Variants in ATP8A2 observed in about 807,000 individuals in gnomAD.
The protein encoded by ATP8A2 is phospholipid-transporting ATPase IB.
In ATP8A2, 100 loss-of-function variants were observed where a neutral mutation model predicts 165.6. That is an observed-to-expected ratio of 0.60 (90% CI 0.51 to 0.71). The LOEUF (loss-of-function observed/expected upper bound fraction) is 0.71, where lower values mean the gene tolerates loss of function less well. Ranked by LOEUF, ATP8A2 falls within the 30% of genes least tolerant of loss-of-function variation. ATP8A2 has a pLI of 0.00. For missense variants in ATP8A2, 1,227 were observed against 1,479.5 expected (o/e 0.83, Z 2.80); for synonymous variants, 543 against 548.8 (o/e 0.99, Z 0.15).
chr13:25,494,074 G>A (rs1249853937), intron 2 of ATP8A2, among the ~76,000 whole-genome samples: 3 of 152,044 alleles, frequency 2.0e-5, no homozygotes, highest in African/African-American at 7.3e-5. Flanking sequence ...GGCTGGGGTA[G>A]GGCGGAGAGT....
intron 27 of ATP8A2, among the ~76,000 whole-genome samples, chr13:25,824,491 C>T (rs935491757): frequency 3.9e-5 from 6 of 152,196 alleles, no homozygotes; most frequent in Admixed American, 6.5e-5. Context: ...ATTTCATGTG[C>T]GTTTGTCATA....
intron 1 of ATP8A2, among the ~76,000 whole-genome samples, chr13:25,373,562 T>C (rs913572925): frequency 2.0e-5 from 3 of 152,252 alleles, no homozygotes; most frequent in Non-Finnish European, 4.4e-5. Context: ...ACACCCTCTG[T>C]ACCTTTGCAG....
At chr13:25,768,854 TG>T (rs1365881299) in intron 25 of ATP8A2, among the ~76,000 whole-genome samples, 191 bp from the exon 26 acceptor site, 1 of 152,244 alleles carries the variant, frequency 6.6e-6, no homozygotes, top group Non-Finnish European at 1.5e-5. Context: ...ATATTTCATC[TG>T]AGAAGTTGGC....
intron 1 of ATP8A2, among the ~76,000 whole-genome samples, chr13:25,401,390 T>C (rs139629679): frequency 6.6e-5 from 10 of 152,330 alleles, no homozygotes; most frequent in Non-Finnish European, 1.5e-4. Context: ...CTGATATCAA[T>C]CGAGTTATAA....
chr13:25,766,815 T>C (rs936283378), intron 25 of ATP8A2, among the ~76,000 whole-genome samples: 1 of 152,234 alleles, frequency 6.6e-6, no homozygotes, highest in African/African-American at 2.4e-5. Flanking sequence ...AGTCTTGTTT[T>C]GTTTTTCCAA....
intron 25 of ATP8A2, among the ~76,000 whole-genome samples, chr13:25,731,537 T>C (rs935105537): frequency 2.6e-5 from 4 of 152,252 alleles, no homozygotes; most frequent in African/African-American, 9.6e-5. Flanking sequence ...TGCTTTTTAT[T>C]TGGGGTAAAT....
At chr13:25,664,038 G>A (rs116901168) in intron 24 of ATP8A2, among the ~76,000 whole-genome samples, 5,248 of 151,832 alleles carry the variant, frequency 0.035, 157 homozygotes, top group East Asian at 0.13. Context: ...ATGGAACCCC[G>A]TCTCTACAAA....
At chr13:25,853,864 C>T (rs527329714) in intron 30 of ATP8A2, among the ~76,000 whole-genome samples, 59 of 152,302 alleles carry the variant, frequency 3.9e-4, no homozygotes, top group African/African-American at 1.3e-3. Flanking sequence ...GAATACAGGC[C>T]TTAGCCTTTT....
chr13:25,688,909 T>G lies in ATP8A2; in HGVS notation c.2212-10264T>G, dbSNP rs529128970. Among the ~76,000 whole-genome samples, 6 of 152,366 alleles carry G rather than the reference T, an allele frequency of 3.9e-5. No homozygotes were observed. The South Asian group carries it at 1.0e-3, about 26-fold the overall frequency. Reference sequence around the variant, plus strand: ...ATCTTCACTGCCAGTTTGCACAGCCTGCAGCTGCCACACATGCATTTAGAA... The same window carrying G: ...ATCTTCACTGCCAGTTTGCACAGCCGGCAGCTGCCACACATGCATTTAGAA... On this transcript the variant is annotated intron_variant, in intron 24 of 36. Coordinates refer to ENST00000381655, the MANE Select transcript of ATP8A2 (RefSeq NM_016529.6).
chr13:25,927,338 T>A, intron 33 of ATP8A2: 1 of 371,960 alleles, frequency 2.7e-6, no homozygotes, highest in Non-Finnish European at 5.5e-6. Context: ...TTGGTTTTTT[T>A]CTTTGAAAAT....
intron 33 of ATP8A2, among the ~76,000 whole-genome samples, chr13:25,924,677 T>G (rs1227835631): frequency 6.6e-6 from 1 of 152,214 alleles, no homozygotes; most frequent in Non-Finnish European, 1.5e-5. Context: ...GATATTTTTT[T>G]CATTGAGGTA....
At position 25,593,646 on chromosome 13, in the gene ATP8A2, C is replaced by T. The variant is rs553068992; in HGVS notation, c.2211+3947C>T. ...CCACTGGCATCCTCAATTTTTTTTCCTGGCACACTGACCAGAAATTGGTCT... is the reference window on the plus strand; with the variant it reads ...CCACTGGCATCCTCAATTTTTTTTCTTGGCACACTGACCAGAAATTGGTCT... On this transcript the variant is annotated intron_variant, in intron 24 of 36. Transcript: ENST00000381655. Among the ~76,000 whole-genome samples the T allele has an allele frequency of 1.2e-4, 18 of 152,076 alleles. No homozygotes were observed. In the South Asian group the frequency reaches 3.7e-3, roughly 32 times the overall value.
In ATP8A2 at chr13:25,549,049, A is replaced by G. The variant is rs545185533; in HGVS notation, c.892-2289A>G. Reference sequence around the variant, plus strand: ...CCTAGCTCTTTTAATGATCAGATCAATGGAGACTAGTGAAGGAGAATGCTG... The same window carrying G: ...CCTAGCTCTTTTAATGATCAGATCAGTGGAGACTAGTGAAGGAGAATGCTG... On this transcript the variant is annotated intron_variant, in intron 10 of 36. Transcript: ENST00000381655. Among the ~76,000 whole-genome samples the G allele has an allele frequency of 5.5e-4, 84 of 152,318 alleles. No individual in the cohort carries two copies. The South Asian group carries it at 0.017, about 30-fold the overall frequency.
chr13:25,617,960 G>A (rs2040869031), intron 24 of ATP8A2, among the ~76,000 whole-genome samples: 1 of 152,130 alleles, frequency 6.6e-6, no homozygotes, highest in African/African-American at 2.4e-5. Flanking sequence ...TATTAAATCA[G>A]TGTTAGAATT....
At chr13:25,608,446 G>T (rs567700613) in intron 24 of ATP8A2, among the ~76,000 whole-genome samples, 38 of 152,276 alleles carry the variant, frequency 2.5e-4, no homozygotes, top group African/African-American at 8.7e-4. Context: ...TGTTTGTGCT[G>T]TTATAAATTT....
chr13:25,609,918 T>G (rs1237254782), intron 24 of ATP8A2, among the ~76,000 whole-genome samples: 4 of 152,044 alleles, frequency 2.6e-5, no homozygotes, highest in Admixed American at 1.3e-4. Flanking sequence ...TATTTCTTCT[T>G]TTGAGAATTG....
rs1455266428 is a variant in ATP8A2 at position 25,408,953 on chromosome 13, ATTG to A, written c.76+36670_76+36672del. On this transcript the variant is annotated intron_variant, in intron 1 of 36. Coordinates refer to ENST00000381655, the MANE Select transcript of ATP8A2 (RefSeq NM_016529.6). ...ATAATAATAGTTAGAGAAATAAAGC[ATTG>A]TTGTGATGCTTGATTTTAGTACCTT... Among the ~76,000 whole-genome samples, 7 of 152,366 alleles carry A rather than the reference ATTG, an allele frequency of 4.6e-5. No homozygotes were observed. In the East Asian group the frequency reaches 1.3e-3, roughly 29 times the overall value.
rs59801224 is a variant in ATP8A2, at chr13:25,538,726, C to T, written c.581+665C>T. On this transcript the variant is annotated intron_variant, in intron 7 of 36. Transcript: ENST00000381655. The stretch of plus-strand genomic sequence containing the variant: ...TTGAATTCAAGATTAAATTGTGTGA[C>T]GTTAGGACTATAACTTCCTATATTT... 5.7e-3 allele frequency among the ~76,000 whole-genome samples: 874 copies of T among 152,230 alleles called. 6 individuals are homozygous for T. Among genetic ancestry groups the T allele is most frequent in the African/African-American group, 0.02 (840 of 41,542 alleles).
At chr13:25,502,604 A>C (rs689477) in intron 2 of ATP8A2, among the ~76,000 whole-genome samples, 9,018 of 152,316 alleles carry the variant, frequency 0.059, 342 homozygotes, top group South Asian at 0.13. Flanking sequence ...TAAGCTGCTA[A>C]TAGTAAGCTA....
Sources: allele counts gnomAD v4.1 joint callset (sites outside exome capture counted in the v4.1 genomes callset), GRCh38; gene constraint gnomAD v4.1.1; transcripts MANE v1.5; gene names NCBI Gene and HGNC (gene_info 2026-07-23, HGNC 2026-07-21).